GNAO1: variants seen among roughly 807,000 people sequenced by gnomAD.
GNAO1 encodes guanine nucleotide-binding protein G(o) subunit alpha.
For synonymous variants in GNAO1, 164 were observed against 180.7 expected, an observed-to-expected ratio of 0.91 and a Z score of 0.74; for missense variants, 166 against 478.7, an observed-to-expected ratio of 0.35 and a Z score of 6.10.
At position 56,351,841 on chromosome 16, in the gene GNAO1, C is replaced by T. The variant is rs1445953365; in HGVS notation, c.877+304C>T. ...AGGCTTCCCCCTTCCTCCTGGTCAC[C>T]CTCTAGAAGAGGTCTCAGGACAGCC... On this transcript the variant is annotated intron_variant, in intron 7 of 8. Coordinates refer to ENST00000262493, the MANE Select transcript of GNAO1 (RefSeq NM_020988.3). This position sits in a 1 kb window ranked among gnomAD's most constrained non-coding sequence, Gnocchi z 6.1. 6.0e-6 allele frequency: 2 copies of T among 332,842 alleles called. No homozygotes were observed. The highest frequency in any genetic ancestry group is 6.0e-5 in the East Asian group (1 of 16,642). 20.6% of individuals were successfully genotyped at this position (332,842 alleles called of 1,614,324 possible). A position where few individuals can be genotyped will look rare whatever the true frequency, so the allele number is the denominator to read the frequency against.
At chr16:56,193,069 C>G (rs113760377) in intron 2 of GNAO1, 3,197 of 162,546 alleles carry the variant, frequency 0.02, 71 homozygotes, top group African/African-American at 0.045. Flanking sequence ...TGCTCTTTTC[C>G]TGGGGCAGTG....
chr16:56,206,882 T>C (rs550446210), intron 2 of GNAO1, among the ~76,000 whole-genome samples: 4 of 152,328 alleles, frequency 2.6e-5, no homozygotes, highest in Admixed American at 1.3e-4. Flanking sequence ...TATTATTTGC[T>C]GATCCCAGTG....
intron 2 of GNAO1, among the ~76,000 whole-genome samples, chr16:56,251,329 C>G (rs2036797915): frequency 1.3e-5 from 2 of 152,154 alleles, no homozygotes. Flanking sequence ...ATGCATCTGC[C>G]TGCATATTCG....
intron 2 of GNAO1, among the ~76,000 whole-genome samples, chr16:56,275,345 C>T (rs1161068507): frequency 6.6e-6 from 1 of 152,186 alleles, no homozygotes; most frequent in African/African-American, 2.4e-5. Context: ...TGTCCCTGTT[C>T]AGATCCACCA....
At chr16:56,340,504 G>T (rs901606651) in intron 6 of GNAO1, 1 of 294,184 alleles carries the variant, frequency 3.4e-6, no homozygotes, top group Admixed American at 4.5e-5. Context: ...TGCGCTGTAC[G>T]TGCATGGTGC....
Position 56,192,076 on chromosome 16 carries a change from G to A in GNAO1, c.-160G>A. 2 of 594,226 alleles carry A rather than the reference G, an allele frequency of 3.4e-6. No homozygotes were observed. Among genetic ancestry groups the A allele is most frequent in the Admixed American group, 3.0e-5 (1 of 33,096 alleles). 36.8% of individuals were successfully genotyped at this position (594,226 alleles called of 1,614,324 possible). A position where few individuals can be genotyped will look rare whatever the true frequency, so the allele number is the denominator to read the frequency against. On this transcript the variant is annotated 5_prime_UTR_variant, in exon 1 of 9. Transcript: ENST00000262493. ...TCTTGTTAGCGGCTGTCTTTTTGGA[G>A]GGTTCTGGTTTCCCGACATTTTTGT...
chr16:56,256,647 A>T (rs1021978836), intron 2 of GNAO1, among the ~76,000 whole-genome samples: 1 of 151,284 alleles, frequency 6.6e-6, no homozygotes, highest in South Asian at 2.1e-4. Flanking sequence ...TCAGTTACTG[A>T]TGGATCAACT....
At chr16:56,236,856 G>A (rs2143414061) in intron 2 of GNAO1, among the ~76,000 whole-genome samples, 1 of 152,250 alleles carries the variant, frequency 6.6e-6, no homozygotes, top group African/African-American at 2.4e-5. Flanking sequence ...TCTGAAAATG[G>A]CAGTTAGAAG....
chr16:56,227,627 A>G (rs1182572929), intron 2 of GNAO1, among the ~76,000 whole-genome samples: 1 of 143,878 alleles, frequency 7.0e-6, no homozygotes, highest in Non-Finnish European at 1.5e-5. Context: ...GGTCAAGGCT[A>G]TAGTGAGCCA....
intron 2 of GNAO1, chr16:56,194,236 G>A: frequency 2.2e-6 from 1 of 456,612 alleles, no homozygotes; most frequent in South Asian, 1.5e-5. Context: ...TTTAGCTTGG[G>A]GCTTCTCTTG....
At chr16:56,276,179 C>T (rs963988866) in intron 3 of GNAO1, 107 bp downstream of exon 3, 15 of 945,606 alleles carry the variant, frequency 1.6e-5, no homozygotes, top group East Asian at 2.6e-5. Context: ...GAAGAGACTC[C>T]GCTATGTTTG....
At position 56,336,845 on chromosome 16, in the gene GNAO1, C is replaced by T. The variant is rs765429450; in HGVS notation, c.708C>T (p.His236=). 7.4e-6 allele frequency: 12 copies of T among 1,612,056 alleles called. No individual in the cohort carries two copies. The highest frequency in any genetic ancestry group is 1.1e-5 in the South Asian group (1 of 90,914). The change falls in exon 6 of 9, where the codon CAC becomes CAT. Residue 236 remains histidine, a synonymous_variant. Coordinates refer to ENST00000262493, the MANE Select transcript of GNAO1 (RefSeq NM_020988.3). ...TCAGCGGCTATGACCAGGTGCTCCA[C>T]GAAGACGAAACCACGGTGAGTGGCC... ...VALSGYDQVL[H]EDETTNRMHE...
intron 3 of GNAO1, among the ~76,000 whole-genome samples, chr16:56,300,147 C>T (rs921853596): frequency 6.6e-6 from 1 of 152,198 alleles, no homozygotes. Context: ...CATGCCTTCT[C>T]TCTCTAAGGA....
intron 2 of GNAO1, among the ~76,000 whole-genome samples, chr16:56,240,337 C>T (rs2036683191): frequency 6.6e-6 from 1 of 152,126 alleles, no homozygotes; most frequent in South Asian, 2.1e-4. Flanking sequence ...CCAAATTCAG[C>T]TTAGTAGACT....
At position 56,269,395 on chromosome 16, in the gene GNAO1, C is replaced by T. The variant is rs147802908; in HGVS notation, c.162-6536C>T. Among the ~76,000 whole-genome samples, 82 of 152,258 alleles carry T rather than the reference C, an allele frequency of 5.4e-4. No homozygotes were observed. In the East Asian group the frequency reaches 0.01, roughly 19 times the overall value. ...ATCCTCTTCCTCAAGAGGACAGACG[C>T]GGGACGCCTGACTGACTGCACGTTC... On this transcript the variant is annotated intron_variant, in intron 2 of 8. Coordinates refer to ENST00000262493, the MANE Select transcript of GNAO1 (RefSeq NM_020988.3).
chr16:56,319,599 T>C (rs2037551854), intron 3 of GNAO1, among the ~76,000 whole-genome samples: 1 of 152,148 alleles, frequency 6.6e-6, no homozygotes, highest in Non-Finnish European at 1.5e-5. Context: ...ACCAGGGTGC[T>C]GCTTCCCCAG....
intron 3 of GNAO1, among the ~76,000 whole-genome samples, chr16:56,328,277 G>T (rs573558997): frequency 1.4e-4 from 22 of 152,176 alleles, no homozygotes; most frequent in Non-Finnish European, 2.6e-4. Flanking sequence ...TGAGTTGGAG[G>T]GTGGAGAGCA....
intron 2 of GNAO1, among the ~76,000 whole-genome samples, chr16:56,243,208 G>T (rs1214976240): frequency 6.6e-6 from 1 of 151,974 alleles, no homozygotes; most frequent in Non-Finnish European, 1.5e-5. Context: ...ATATAGCAAT[G>T]TAATAATAAT....
intron 2 of GNAO1, among the ~76,000 whole-genome samples, chr16:56,199,739 C>T (rs1463974192): frequency 6.6e-6 from 1 of 152,152 alleles, no homozygotes; most frequent in East Asian, 1.9e-4. Flanking sequence ...CAAAGAGAAA[C>T]TTAGAAGCCT....
Sources: allele counts gnomAD v4.1 joint callset (sites outside exome capture counted in the v4.1 genomes callset), GRCh38; gene constraint gnomAD v4.1.1; non-coding constraint Gnocchi (gnomAD v3.1); transcripts MANE v1.5; gene names NCBI Gene and HGNC (gene_info 2026-07-23, HGNC 2026-07-21).